The following GANAB variants were observed in gnomAD, a reference collection of about 807,000 sequenced individuals.
GANAB encodes glucosidase II alpha subunit.
Under a neutral mutation model 129.9 loss-of-function variants are expected in GANAB, and 35 were observed. That is an observed-to-expected ratio of 0.27 (90% CI 0.21 to 0.36). The LOEUF is 0.36. Ranked by LOEUF, GANAB falls within the 10% of genes least tolerant of loss-of-function variation. The pLI, the probability that GANAB is intolerant of heterozygous loss-of-function variation, is 1.00. For missense variants in GANAB, 939 were observed against 1,221.0 expected, an observed-to-expected ratio of 0.77 and a Z score of 3.44; for synonymous variants, 482 against 451.8, an observed-to-expected ratio of 1.07 and a Z score of -0.85.
At chr11:62,639,260 A>G (rs1293601875) in intron 3 of GANAB, 99 bp downstream of exon 3, 14 of 1,290,372 alleles carry the variant, frequency 1.1e-5, no homozygotes, top group Non-Finnish European at 1.5e-5. Flanking sequence ...AAGTCCAAAG[A>G]TTAGGCTGGG....
chr11:62,630,653 C>T lies in GANAB; in HGVS notation c.1334G>A (p.Arg445His), dbSNP rs574607805. 2.4e-5 allele frequency: 38 copies of T among 1,614,184 alleles called. No individual in the cohort carries two copies. The Middle Eastern group carries it at 4.9e-4, about 21-fold the overall frequency. ...GKRYFTWDPS[R>H]FPQPRTMLER... ...AAGCATGGTGCGGGGCTGAGGGAAGCGACTGGGGTCCCAGGTGAAATACCG... is the reference window on the plus strand; with the variant it reads ...AAGCATGGTGCGGGGCTGAGGGAAGTGACTGGGGTCCCAGGTGAAATACCG... Residue 445 changes from arginine (R) to histidine (H), a missense_variant, in exon 11 of 24, where the codon CGC becomes CAC. Arg to His is a conservative substitution (Grantham distance 29). Coordinates refer to ENST00000356638, the MANE Select transcript of GANAB (RefSeq NM_198334.3).
At chr11:62,644,036 G>A (rs952493735) in intron 1 of GANAB, among the ~76,000 whole-genome samples, 3 of 152,050 alleles carry the variant, frequency 2.0e-5, no homozygotes, top group East Asian at 1.9e-4. Context: ...CCTCTGCCTC[G>A]CGGGTTCAAG....
rs188165338 is a variant in GANAB, at chr11:62,630,805, G to A, written c.1182C>T (p.Leu394=). 8.1e-6 allele frequency: 13 copies of A among 1,613,892 alleles called. No homozygotes were observed. Among genetic ancestry groups the A allele is most frequent in the South Asian group, 6.6e-5 (6 of 91,078 alleles). ...GTQALPPLFS[L]GYHQSRWNYR... is the part of the protein sequence containing the mutation. ...AGTTCCAACGGCTCTGGTGGTAGCC[G>A]AGGGAGAAGAGTGGGGGCAACGCCT... The change falls in exon 11 of 24, where the codon CTC becomes CTT. Residue 394 remains leucine, a synonymous_variant. Transcript: ENST00000356638.
Position 62,627,362 on chromosome 11 carries a change from GAAGA to G in GANAB, c.2181-13_2181-10del, listed in dbSNP as rs1943443444. The G allele has an allele frequency of 6.7e-7, 1 of 1,488,304 alleles. No homozygotes were observed. 92.2% of individuals were successfully genotyped at this position (1,488,304 alleles called of 1,614,324 possible). On this transcript the variant is annotated splice_polypyrimidine_tract_variant and intron_variant, in intron 17 of 23. Coordinates refer to ENST00000356638, the MANE Select transcript of GANAB (RefSeq NM_198334.3). Reference sequence around the variant, plus strand: ...ACTGCACCCACAGGGGCCTAGGAAGGAAGAAAGACAATAAAGGAAAACTTTTCAA... The same window carrying G: ...ACTGCACCCACAGGGGCCTAGGAAGGAAGACAATAAAGGAAAACTTTTCAA...
chr11:62,635,692 C>A (rs919694151), intron 4 of GANAB, among the ~76,000 whole-genome samples: 1 of 151,732 alleles, frequency 6.6e-6, no homozygotes, highest in Non-Finnish European at 1.5e-5. Flanking sequence ...GTGGCACAAC[C>A]TTGGCTCACT....
At chr11:62,629,085 G>A (rs1943538600) in intron 16 of GANAB, 73 bp from the exon 17 acceptor site, 6 of 1,577,912 alleles carry the variant, frequency 3.8e-6, no homozygotes, top group East Asian at 4.5e-5. Context: ...AACTTCCCAA[G>A]GCCCTAACTT....
chr11:62,626,845 A>T lies in GANAB; in HGVS notation c.2397+15T>A, dbSNP rs1360580937. 6.3e-7 allele frequency: 1 copy of T among 1,589,928 alleles called. No individual in the cohort carries two copies. Among genetic ancestry groups the T allele is most frequent in the Admixed American group, 1.7e-5 (1 of 59,484 alleles). On this transcript the variant is annotated intron_variant, in intron 20 of 23. Transcript: ENST00000356638. ...ACAGGGAGATGGAACCGGCAGCCAG[A>T]CCAGGCTTACTCACACTGCTTAGAG...
At position 62,625,764 on chromosome 11, in the gene GANAB, C is replaced by T. The variant is rs952041936; in HGVS notation, c.*51G>A. 3 of 1,123,628 alleles carry T rather than the reference C, an allele frequency of 2.7e-6. No individual in the cohort carries two copies. Among genetic ancestry groups the T allele is most frequent in the Non-Finnish European group, 4.1e-6 (3 of 735,826 alleles). The allele number at this position is 1,123,628 out of a possible 1,614,324, so 69.6% of individuals were successfully genotyped here. The stretch of plus-strand genomic sequence containing the variant: ...CTCCAAGGCAGAAGAAAGAATATCT[C>T]TCAGCACTAATGCTCCCCTTCCCTC... On this transcript the variant is annotated 3_prime_UTR_variant, in exon 24 of 24. Transcript: ENST00000356638.
chr11:62,635,556 A>T (rs1046593979), intron 4 of GANAB, among the ~76,000 whole-genome samples: 2 of 148,800 alleles, frequency 1.3e-5, no homozygotes, highest in African/African-American at 5.0e-5. Context: ...ACTATTCAAA[A>T]ATGGAACTGA....
At position 62,629,306 on chromosome 11, in the gene GANAB, CAAG is replaced by C. The variant is rs774032310; in HGVS notation, c.1835-14_1835-12del. 12 of 1,577,936 alleles carry C rather than the reference CAAG, an allele frequency of 7.6e-6. No individual in the cohort carries two copies. The African/African-American group carries it at 1.3e-4, about 18-fold the overall frequency. On this transcript the variant is annotated splice_polypyrimidine_tract_variant and intron_variant, in intron 15 of 23. Transcript: ENST00000356638. ...CTGTCCACACGGCTCCTGAGGAAGACAAGAAGTGGGGAGCTTGCACATGGTAAA... is the reference window on the plus strand; with the variant it reads ...CTGTCCACACGGCTCCTGAGGAAGACAAGTGGGGAGCTTGCACATGGTAAA...
chr11:62,629,250 T>G lies in GANAB; in HGVS notation c.1880A>C (p.Lys627Thr). The change falls in exon 16 of 24, where the codon AAG becomes ACG. Residue 627 changes from lysine to threonine, a missense_variant. Transcript: ENST00000356638. ...GDNTAEWDHL[K>T]ISIPMCLSLG... The stretch of plus-strand genomic sequence containing the variant: ...GCTGAGACACATAGGAATAGAGATC[T>G]TCAAATGGTCCCACTCGGCAGTGTT... 6.2e-7 allele frequency: 1 copy of G among 1,613,776 alleles called. No homozygotes were observed. The highest frequency in any genetic ancestry group is 1.3e-5 in the African/African-American group (1 of 75,020).
chr11:62,632,813 CACAG>C, intron 8 of GANAB, 68 bp from the exon 9 acceptor site: 1 of 1,257,428 alleles, frequency 8.0e-7, no homozygotes, highest in Non-Finnish European at 1.2e-6. Context: ...AACACCACTC[CACAG>C]ACACAGGTGA....
At position 62,629,209 on chromosome 11, in the gene GANAB, G is replaced by C; in HGVS notation, c.1921C>G (p.Leu641Val). 6.2e-7 allele frequency: 1 copy of C among 1,612,070 alleles called. No homozygotes were observed. Among genetic ancestry groups the C allele is most frequent in the Non-Finnish European group, 8.5e-7 (1 of 1,178,200 alleles). The change falls in exon 16 of 24, where the codon CTT (leucine) becomes GTT (valine). Residue 641 changes from leucine (L) to valine (V), a missense_variant. Physicochemically the swap from Leu to Val is conservative, Grantham distance 32. Around this residue, in one of 5 missense-constraint regions of GANAB, gnomAD observed 147 missense variants for 282.4 expected, o/e 0.52. Coordinates refer to ENST00000356638, the MANE Select transcript of GANAB (RefSeq NM_198334.3). ...PMCLSLGLVG[L>V]SFCGADVGGF... Reference sequence around the variant, plus strand: ...CCTGTCTTACCCCCACAGAAGGAAAGTCCCACCAGCCCCAAGCTGAGACAC... The same window carrying C: ...CCTGTCTTACCCCCACAGAAGGAAACTCCCACCAGCCCCAAGCTGAGACAC...
chr11:62,632,650 G>A lies in GANAB; in HGVS notation c.911C>T (p.Ala304Val). 6 of 1,613,838 alleles carry A rather than the reference G, an allele frequency of 3.7e-6. No individual in the cohort carries two copies. The highest frequency in any genetic ancestry group is 5.1e-6 in the Non-Finnish European group (6 of 1,179,762). Reference protein sequence around the residue: ...ALYGSVPVLLAHNPHRDLGIF... With the variant: ...ALYGSVPVLLVHNPHRDLGIF... ...GCCCAAGTCGCGATGAGGGTTGTGT[G>A]CCAGGAGCACAGGCACAGACCCATA... is the stretch of plus-strand genomic sequence containing the variant. The change falls in exon 9 of 24, where the codon GCA becomes GTA. Residue 304 changes from alanine (A) to valine (V), a missense_variant. Transcript: ENST00000356638.
chr11:62,632,746 C>A lies in GANAB; in HGVS notation c.816-1G>T. The stretch of plus-strand genomic sequence containing the variant: ...GTAGAGGCGATATGGCTCCCCACCC[C>A]TGCAGGCAAACAGACAGACTTGGGC... On this transcript the variant is annotated splice_acceptor_variant, in intron 8 of 23. Coordinates refer to ENST00000356638, the MANE Select transcript of GANAB (RefSeq NM_198334.3). LOFTEE classifies it high-confidence loss of function. The A allele has an allele frequency of 1.2e-6, 2 of 1,612,464 alleles. No individual in the cohort carries two copies. The highest frequency in any genetic ancestry group is 1.7e-6 in the Non-Finnish European group (2 of 1,178,908).
rs1294394883 is a variant in GANAB at position 62,632,749 on chromosome 11, C to A, written c.816-4G>T. 4.3e-6 allele frequency: 7 copies of A among 1,611,500 alleles called. No individual in the cohort carries two copies. The highest frequency in any genetic ancestry group is 5.1e-6 in the Non-Finnish European group (6 of 1,178,182). On this transcript the variant is annotated splice_region_variant and splice_polypyrimidine_tract_variant and intron_variant, in intron 8 of 23. Coordinates refer to ENST00000356638, the MANE Select transcript of GANAB (RefSeq NM_198334.3). ...GAGGCGATATGGCTCCCCACCCCTG[C>A]AGGCAAACAGACAGACTTGGGCTGC...
intron 4 of GANAB, among the ~76,000 whole-genome samples, chr11:62,635,544 G>A (rs1230578060): frequency 6.6e-6 from 1 of 150,888 alleles, no homozygotes; most frequent in Non-Finnish European, 1.5e-5. Flanking sequence ...GAGGAAAGGA[G>A]AACTATTCAA....
chr11:62,635,831 T>C (rs2134509406), intron 4 of GANAB, among the ~76,000 whole-genome samples: 1 of 151,916 alleles, frequency 6.6e-6, no homozygotes, highest in Middle Eastern at 3.4e-3. Context: ...TTTTTCGCCA[T>C]GTTGGCCAGG....
In GANAB at chr11:62,630,686, T is replaced by C; in HGVS notation, c.1301A>G (p.Asp434Gly). The C allele has an allele frequency of 1.2e-6, 2 of 1,614,140 alleles. No homozygotes were observed. Among genetic ancestry groups the C allele is most frequent in the Non-Finnish European group, 1.7e-6 (2 of 1,180,018 alleles). The change falls in exon 11 of 24, where the codon GAT becomes GGT. Residue 434 changes from aspartate (D) to glycine (G), a missense_variant. Transcript: ENST00000356638. ...GTCCCAGGTGAAATACCGCTTGCCATCAGCATGTTCAATGTCTAGCCAGAT... is the reference window on the plus strand; with the variant it reads ...GTCCCAGGTGAAATACCGCTTGCCACCAGCATGTTCAATGTCTAGCCAGAT... The part of the protein sequence containing the change: ...DVIWLDIEHA[D>G]GKRYFTWDPS...
Sources: gnomAD v4.1 joint callset for allele counts (sites outside exome capture counted in the v4.1 genomes callset) on GRCh38, gnomAD v4.1.1 for gene constraint, gnomAD v4.1.1 regional missense constraint, MANE v1.5 for transcripts, NCBI Gene and HGNC (gene_info 2026-07-23, HGNC 2026-07-21) for gene names.